SLC24A3: variants seen among roughly 807,000 people sequenced by gnomAD.
The protein encoded by SLC24A3 is solute carrier family 24 member 3.
In SLC24A3, 28 loss-of-function variants were observed where a neutral mutation model predicts 75.8. That is an observed-to-expected ratio of 0.37 (90% confidence interval 0.27 to 0.51). The LOEUF is 0.51. SLC24A3 is among the 20% of genes least tolerant of loss of function. SLC24A3 has a pLI of 0.94. For missense variants in SLC24A3, 663 were observed against 847.8 expected, an observed-to-expected ratio of 0.78 and a Z score of 2.71; for synonymous variants, 372 against 334.1, an observed-to-expected ratio of 1.11 and a Z score of -1.24.
chr20:19,392,474 G>A (rs1986384483), intron 2 of SLC24A3, among the ~76,000 whole-genome samples: 1 of 152,146 alleles, frequency 6.6e-6, no homozygotes, highest in East Asian at 1.9e-4. Context: ...CCCAGGGCTG[G>A]GCCTGGATAC....
chr20:19,679,917 T>C (rs953829076), intron 9 of SLC24A3, among the ~76,000 whole-genome samples: 1 of 151,958 alleles, frequency 6.6e-6, no homozygotes, highest in African/African-American at 2.4e-5. Flanking sequence ...GAAGTTTGGC[T>C]GTTTGCTCTG....
At chr20:19,477,260 G>A (rs909011028) in intron 2 of SLC24A3, among the ~76,000 whole-genome samples, 19 of 152,180 alleles carry the variant, frequency 1.2e-4, no homozygotes, top group African/African-American at 3.1e-4. Flanking sequence ...TCCAAATTTG[G>A]AAACTGGCTG....
chr20:19,327,223 T>C (rs985078512), intron 2 of SLC24A3, among the ~76,000 whole-genome samples: 1 of 152,134 alleles, frequency 6.6e-6, no homozygotes, highest in Admixed American at 6.5e-5. Context: ...ATTGAGAAGG[T>C]CACTGTTGAC....
intron 3 of SLC24A3, among the ~76,000 whole-genome samples, chr20:19,537,291 G>A (rs1270829296): frequency 4.6e-5 from 7 of 152,138 alleles, no homozygotes; most frequent in South Asian, 4.1e-4. Flanking sequence ...CATCATCACC[G>A]GCCATCAGAG....
At chr20:19,519,182 T>C (rs1424287383) in intron 3 of SLC24A3, among the ~76,000 whole-genome samples, 1 of 152,214 alleles carries the variant, frequency 6.6e-6, no homozygotes, top group Non-Finnish European at 1.5e-5. Flanking sequence ...AACCTGCCCC[T>C]TTCCATTTGG....
chr20:19,490,515 G>A (rs1419180862), intron 2 of SLC24A3, among the ~76,000 whole-genome samples: 1 of 152,150 alleles, frequency 6.6e-6, no homozygotes, highest in Admixed American at 6.5e-5. Context: ...AGCGGCTTTA[G>A]GTGCAGTGGT....
At chr20:19,593,277 C>T (rs1307661060) in intron 6 of SLC24A3, among the ~76,000 whole-genome samples, 1 of 152,192 alleles carries the variant, frequency 6.6e-6, no homozygotes, top group Non-Finnish European at 1.5e-5. Flanking sequence ...CAAATGAGCC[C>T]AGGGCTAATT....
In SLC24A3 at chr20:19,457,164, C is replaced by T. The variant is rs1024210606; in HGVS notation, c.272-58324C>T. 2.2e-4 allele frequency among the ~76,000 whole-genome samples: 33 copies of T among 152,118 alleles called. 1 individual carries two copies. The highest frequency in any genetic ancestry group is 1.7e-3 in the Admixed American group (26 of 15,276). ...GGGATGTAAAGGGAAACCCTAATGG[C>T]GTAATCCCAGATCCATCAACTGTGG... On this transcript the variant is annotated intron_variant, in intron 2 of 16. Coordinates refer to ENST00000328041, the MANE Select transcript of SLC24A3 (RefSeq NM_020689.4).
chr20:19,260,250 C>A (rs1194862406), intron 1 of SLC24A3, among the ~76,000 whole-genome samples: 1 of 152,186 alleles, frequency 6.6e-6, no homozygotes, highest in Non-Finnish European at 1.5e-5. Flanking sequence ...AGGTAGCCTG[C>A]GACCTTTGGC....
At chr20:19,515,465 G>A (rs368355413) in intron 2 of SLC24A3, 23 bp from the exon 3 acceptor site, 119 of 1,613,364 alleles carry the variant, frequency 7.4e-5, no homozygotes, top group African/African-American at 1.9e-4. Flanking sequence ...GTGCTGAGAC[G>A]GTTTTCTTTC....
At chr20:19,514,288 T>C (rs1403807868) in intron 2 of SLC24A3, among the ~76,000 whole-genome samples, 2 of 152,208 alleles carry the variant, frequency 1.3e-5, no homozygotes, top group Non-Finnish European at 1.5e-5. Flanking sequence ...GCCTCCCTCA[T>C]GCACAGTGCA....
At position 19,685,258 on chromosome 20, in the gene SLC24A3, T is replaced by C. The variant is rs747381118; in HGVS notation, c.1221T>C (p.Ala407=). Residue 407 remains alanine (A), a synonymous_variant, in exon 12 of 17, where the codon GCT becomes GCC. Transcript: ENST00000328041. Reference sequence around the variant, plus strand: ...GGAGGGACGATGTTGTGGCTGAGGCTGGCAACGAAACAGAGAATGAAAATG... The same window carrying C: ...GGAGGGACGATGTTGTGGCTGAGGCCGGCAACGAAACAGAGAATGAAAATG... ...GTRRDDVVAE[A]GNETENENED... The C allele has an allele frequency of 2.2e-4, 358 of 1,613,882 alleles. No individual in the cohort carries two copies. Among genetic ancestry groups the C allele is most frequent in the Non-Finnish European group, 3.0e-4 (355 of 1,180,026 alleles).
intron 1 of SLC24A3, among the ~76,000 whole-genome samples, chr20:19,280,312 A>G (rs1418292039): frequency 6.6e-6 from 1 of 152,128 alleles, no homozygotes; most frequent in Non-Finnish European, 1.5e-5. Context: ...GCTGTGTGGC[A>G]CTCATGAACC....
chr20:19,633,504 C>G (rs1248460543), intron 6 of SLC24A3, among the ~76,000 whole-genome samples: 1 of 151,760 alleles, frequency 6.6e-6, no homozygotes, highest in East Asian at 1.9e-4. Flanking sequence ...AAAAAATTAG[C>G]CGGGCGTAGT....
chr20:19,425,576 G>C (rs137883498), intron 2 of SLC24A3, among the ~76,000 whole-genome samples: 113 of 152,294 alleles, frequency 7.4e-4, no homozygotes, highest in Non-Finnish European at 1.4e-3. Context: ...CATGGTGCCA[G>C]CTTGTCCCAG....
intron 7 of SLC24A3, among the ~76,000 whole-genome samples, chr20:19,663,026 A>C (rs1361784204): frequency 2.6e-5 from 4 of 152,160 alleles, no homozygotes. Context: ...GGCAGTTGAT[A>C]GCTCATCTCC....
chr20:19,223,219 G>C (rs1981779240), intron 1 of SLC24A3, among the ~76,000 whole-genome samples: 1 of 152,132 alleles, frequency 6.6e-6, no homozygotes, highest in Admixed American at 6.5e-5. Context: ...TTGAACCCAG[G>C]ATGTGGAGGT....
At chr20:19,404,255 A>T (rs1406063022) in intron 2 of SLC24A3, among the ~76,000 whole-genome samples, 1 of 152,180 alleles carries the variant, frequency 6.6e-6, no homozygotes, top group Non-Finnish European at 1.5e-5. Context: ...AGACCATGGC[A>T]CCTGGTGGAG....
At chr20:19,695,576 T>G (rs1401863568) in intron 13 of SLC24A3, 2 of 152,244 alleles carry the variant, frequency 1.3e-5, no homozygotes, top group Non-Finnish European at 2.9e-5. Context: ...TATTGTGTGA[T>G]GGAAGTGACG....
Sources: allele counts gnomAD v4.1 joint callset (sites outside exome capture counted in the v4.1 genomes callset), GRCh38; gene constraint gnomAD v4.1.1; transcripts MANE v1.5; gene names NCBI Gene and HGNC (gene_info 2026-07-23, HGNC 2026-07-21).